The following PRUNE2 variants were observed in gnomAD, a reference collection of about 807,000 sequenced individuals.
The protein encoded by PRUNE2 is prune homolog 2 with BCH domain.
PRUNE2 carries 164 observed loss-of-function variants against 252.0 expected under a neutral mutation model. The ratio of observed to expected loss-of-function variants is 0.65; its 90% CI spans 0.57 to 0.74. PRUNE2 has a LOEUF of 0.74. Ranked by LOEUF, PRUNE2 falls within the 30% of genes least tolerant of loss-of-function variation. The probability of loss-of-function intolerance (pLI) is 0.00; values close to 1 mark genes in which losing one functional copy is unlikely to be tolerated. For missense variants in PRUNE2, 3,495 were observed against 3,711.0 expected (o/e 0.94, Z 1.51); for synonymous variants, 1,292 against 1,350.2 (o/e 0.96, Z 0.94).
chr9:76,694,448 G>A (rs561864602), intron 9 of PRUNE2, among the ~76,000 whole-genome samples: 3 of 152,296 alleles, frequency 2.0e-5, no homozygotes, highest in East Asian at 1.9e-4. Context: ...CTCCCAAAGC[G>A]CTGGGATTAC....
chr9:76,743,401 C>T (rs2049823870), intron 6 of PRUNE2, among the ~76,000 whole-genome samples: 1 of 152,210 alleles, frequency 6.6e-6, no homozygotes, highest in African/African-American at 2.4e-5. Context: ...TAGAGATATA[C>T]ACGTGAGAAT....
intron 16 of PRUNE2, among the ~76,000 whole-genome samples, chr9:76,626,714 CAAT>C (rs1257894744): frequency 6.6e-6 from 1 of 152,198 alleles, no homozygotes; most frequent in East Asian, 1.9e-4. Flanking sequence ...ACAGGTGTAA[CAAT>C]AAATAAGATT....
At chr9:76,644,406 A>T in intron 12 of PRUNE2, 1 of 375,334 alleles carries the variant, frequency 2.7e-6, no homozygotes, top group Non-Finnish European at 5.2e-6. Context: ...TACTCTGTTC[A>T]GTTCAACCGT....
chr9:76,895,031 TA>T (rs891816394), intron 1 of PRUNE2, among the ~76,000 whole-genome samples: 3 of 144,486 alleles, frequency 2.1e-5, no homozygotes, highest in East Asian at 2.1e-4. Flanking sequence ...TCTCAAAAAA[TA>T]AAAAAAAGGG....
chr9:76,747,164 T>C (rs1206427284), intron 6 of PRUNE2, among the ~76,000 whole-genome samples: 2 of 152,154 alleles, frequency 1.3e-5, no homozygotes, highest in Non-Finnish European at 1.5e-5. Context: ...GAGAAGGGTT[T>C]GATTGGTGTG....
rs555061715 is a variant in PRUNE2, at chr9:76,706,551, C to G, written c.5723G>C (p.Trp1908Ser). 6.2e-7 allele frequency: 1 copy of G among 1,613,938 alleles called. No homozygotes were observed. Among genetic ancestry groups the G allele is most frequent in the East Asian group, 2.2e-5 (1 of 44,868 alleles). Residue 1908 changes from tryptophan (W) to serine (S), a missense_variant, in exon 8 of 19, where the codon TGG (tryptophan) becomes TCG (serine). Transcript: ENST00000376718. ...GTCTGGCTGCCTTGGTTGAATGTTC[C>G]AGAGTTGCTCATGGGAGTTCTTCCC... The part of the protein sequence containing the change: ...GNGKNSHEQL[W>S]NIQPRQPDPD...
intron 6 of PRUNE2, among the ~76,000 whole-genome samples, chr9:76,752,730 T>C (rs946813084): frequency 5.9e-5 from 9 of 152,316 alleles, no homozygotes; most frequent in Non-Finnish European, 1.2e-4. Context: ...ATGGTATTAA[T>C]ATCATTCCCC....
chr9:76,776,133 T>C (rs2053707195), intron 6 of PRUNE2, among the ~76,000 whole-genome samples: 1 of 152,222 alleles, frequency 6.6e-6, no homozygotes, highest in Admixed American at 6.5e-5. Context: ...TAAGCACAAA[T>C]GAAATTTTTT....
At chr9:76,629,167 C>A (rs1414406543) in intron 16 of PRUNE2, 25 bp downstream of exon 16, 1 of 1,433,578 alleles carries the variant, frequency 7.0e-7, no homozygotes, top group East Asian at 2.3e-5. Flanking sequence ...TTTCTTAACA[C>A]ATCTCTGAAA....
At chr9:76,816,283 T>C (rs2131830839) in intron 6 of PRUNE2, among the ~76,000 whole-genome samples, 1 of 152,278 alleles carries the variant, frequency 6.6e-6, no homozygotes, top group Non-Finnish European at 1.5e-5. Flanking sequence ...TTCTAAATAT[T>C]ATCAGCTTCA....
intron 9 of PRUNE2, among the ~76,000 whole-genome samples, chr9:76,670,204 C>T (rs935442188): frequency 2.6e-5 from 4 of 152,046 alleles, no homozygotes; most frequent in African/African-American, 7.2e-5. Flanking sequence ...GCACCGTGCG[C>T]GAGCCGAAGC....
chr9:76,631,313 T>C (rs991704379), intron 15 of PRUNE2, among the ~76,000 whole-genome samples: 6 of 152,206 alleles, frequency 3.9e-5, no homozygotes, highest in African/African-American at 1.2e-4. Flanking sequence ...GAACATGCCA[T>C]GTTCTCTCTT....
chr9:76,705,710 A>G lies in PRUNE2; in HGVS notation c.6564T>C (p.Gly2188=). ...KGSSQPASHK[G]SPEPSEINGD... ...CGTTTATTTCAGAAGGTTCAGGTGA[A>G]CCTTTATGAGAGGCGGGCTGAGAGG... The change falls in exon 8 of 19, where the codon GGT becomes GGC. Residue 2188 remains glycine, a synonymous_variant. Coordinates refer to ENST00000376718, the MANE Select transcript of PRUNE2 (RefSeq NM_015225.3). 6.2e-7 allele frequency: 1 copy of G among 1,613,988 alleles called. No individual in the cohort carries two copies. The highest frequency in any genetic ancestry group is 1.1e-5 in the South Asian group (1 of 91,070).
chr9:76,624,392 A>G (rs944988440), intron 17 of PRUNE2, 60 bp downstream of exon 17: 9 of 1,228,556 alleles, frequency 7.3e-6, no homozygotes, highest in Non-Finnish European at 9.6e-6. Context: ...GATTTTCCCA[A>G]TTCAGTTCTG....
chr9:76,687,654 G>A (rs150649000), intron 9 of PRUNE2: 92 of 421,710 alleles, frequency 2.2e-4, no homozygotes, highest in African/African-American at 1.2e-3. Context: ...CATTCATTCC[G>A]GTAGGAGTTC....
intron 6 of PRUNE2, among the ~76,000 whole-genome samples, chr9:76,789,491 C>G (rs2055346657): frequency 6.6e-6 from 1 of 152,186 alleles, no homozygotes; most frequent in Non-Finnish European, 1.5e-5. Context: ...CTAGGGGGCT[C>G]CAATGTGGAG....
rs201410963 is a variant in PRUNE2, at chr9:76,655,452, A to G, written c.8327T>C (p.Leu2776Pro). Residue 2776 changes from leucine to proline, a missense_variant, in exon 10 of 19, where the codon CTG (leucine) becomes CCG (proline). Physicochemically the swap from Leu to Pro is moderately conservative, Grantham distance 98 (BLOSUM62 -3). Coordinates refer to ENST00000376718, the MANE Select transcript of PRUNE2 (RefSeq NM_015225.3). ...GMDIPFEEGV[L>P]SPSAADMRPE... The stretch of plus-strand genomic sequence containing the variant: ...CCTCATGTCTGCAGCACTGGGACTC[A>G]GCACGCCCTCTTCAAAGGGGATGTC... 6.2e-4 allele frequency: 1,005 copies of G among 1,612,836 alleles called. 1 individual carries two copies. The highest frequency in any genetic ancestry group is 8.0e-4 in the Non-Finnish European group (939 of 1,179,462).
At chr9:76,805,108 G>T (rs1176666544) in intron 6 of PRUNE2, among the ~76,000 whole-genome samples, 2 of 152,136 alleles carry the variant, frequency 1.3e-5, no homozygotes, top group South Asian at 4.1e-4. Flanking sequence ...ATCTTCGAAG[G>T]TTTCTGTTCC....
intron 6 of PRUNE2, among the ~76,000 whole-genome samples, chr9:76,798,865 C>T (rs545624618): frequency 2.0e-5 from 3 of 152,216 alleles, no homozygotes; most frequent in South Asian, 2.1e-4. Context: ...TCTTCTGCAT[C>T]CTGGAAATAG....
Sources: allele counts gnomAD v4.1 joint callset (sites outside exome capture counted in the v4.1 genomes callset), GRCh38; gene constraint gnomAD v4.1.1; transcripts MANE v1.5; gene names NCBI Gene and HGNC (gene_info 2026-07-23, HGNC 2026-07-21).